Variants in NR5A2 observed in about 807,000 individuals in gnomAD.
The protein encoded by NR5A2 is CYP7A promoter-binding factor.
A neutral mutation model predicts 62.7 loss-of-function variants in NR5A2; 26 were observed. The ratio of observed to expected loss-of-function variants is 0.41; its 90% CI spans 0.30 to 0.58. The LOEUF is 0.58. Ranked by LOEUF, NR5A2 falls within the 20% of genes least tolerant of loss-of-function variation. The probability of loss-of-function intolerance (pLI) is 0.22; values close to 1 mark genes in which losing one functional copy is unlikely to be tolerated. For missense variants in NR5A2, 541 were observed against 669.1 expected, an observed-to-expected ratio of 0.81 and a Z score of 2.11; for synonymous variants, 246 against 241.7, an observed-to-expected ratio of 1.02 and a Z score of -0.16.
intron 5 of NR5A2, among the ~76,000 whole-genome samples, chr1:200,106,104 C>G (rs946592726): frequency 2.0e-5 from 3 of 148,366 alleles, no homozygotes; most frequent in Non-Finnish European, 4.4e-5. Flanking sequence ...GTGGCCCAGG[C>G]TGGAGGGCAG....
At chr1:200,059,824 G>A (rs987292127) in intron 5 of NR5A2, among the ~76,000 whole-genome samples, 1 of 152,122 alleles carries the variant, frequency 6.6e-6, no homozygotes, top group African/African-American at 2.4e-5. Flanking sequence ...AAATCTTTGA[G>A]AGTTCAACAT....
At chr1:200,083,660 A>C (rs990461753) in intron 5 of NR5A2, among the ~76,000 whole-genome samples, 2 of 152,190 alleles carry the variant, frequency 1.3e-5, no homozygotes, top group Admixed American at 1.3e-4. Context: ...ATTGTACAGC[A>C]ATATTGTATA....
At chr1:200,038,836 CG>C in intron 1 of NR5A2, 2 of 1,125,968 alleles carry the variant, frequency 1.8e-6, no homozygotes, top group Admixed American at 2.7e-5. Context: ...GGGGGTGAGG[CG>C]GGGTGAAGAG....
At chr1:200,167,726 C>G (rs1161102339) in intron 7 of NR5A2, among the ~76,000 whole-genome samples, 3 of 152,210 alleles carry the variant, frequency 2.0e-5, no homozygotes, top group African/African-American at 7.2e-5. Context: ...TATTCCTTCT[C>G]CACAAAGGCT....
chr1:200,053,562 T>TACACAC (rs1243850351), intron 5 of NR5A2, among the ~76,000 whole-genome samples: 2 of 84,876 alleles, frequency 2.4e-5, no homozygotes, highest in African/African-American at 1.2e-4. Context: ...CCCCCCAGCA[T>TACACAC]GCACACGCAC....
Position 200,105,760 on chromosome 1 carries a change from T to C in NR5A2, c.1111-5442T>C, listed in dbSNP as rs1325436823. On this transcript the variant is annotated intron_variant, in intron 5 of 7. Coordinates refer to ENST00000367362, the MANE Select transcript of NR5A2 (RefSeq NM_205860.3). ...TGAGTCTAGGAGTTCAAAACCAGTC[T>C]GGGCAACATAGTGAGAACTCGTCTC... Among the ~76,000 whole-genome samples the C allele has an allele frequency of 2.8e-4, 42 of 152,022 alleles. 1 individual carries two copies. Among genetic ancestry groups the C allele is most frequent in the Admixed American group, 2.8e-3 (42 of 15,252 alleles).
chr1:200,144,233 T>TCTCACACACACACACA (rs1446217306), intron 7 of NR5A2, among the ~76,000 whole-genome samples: 52 of 80,126 alleles, frequency 6.5e-4, no homozygotes, highest in African/African-American at 1.9e-3. Flanking sequence ...TCTCTCTCTC[T>TCTCACACACACACACA]CACACACACA....
intron 7 of NR5A2, among the ~76,000 whole-genome samples, chr1:200,164,189 C>G (rs1176431771): frequency 6.6e-6 from 1 of 152,172 alleles, no homozygotes; most frequent in African/African-American, 2.4e-5. Context: ...TGAGCAGATG[C>G]CAACACCATG....
At chr1:200,164,883 T>G (rs1653823651) in intron 7 of NR5A2, among the ~76,000 whole-genome samples, 2 of 143,402 alleles carry the variant, frequency 1.4e-5, no homozygotes. Flanking sequence ...TTTTTTTTTT[T>G]TTTTTTTTTT....
chr1:200,087,959 C>G (rs1240134987), intron 5 of NR5A2, among the ~76,000 whole-genome samples: 2 of 152,106 alleles, frequency 1.3e-5, no homozygotes, highest in Admixed American at 1.3e-4. Flanking sequence ...CCATGTTGGC[C>G]AGGCCAGTCT....
chr1:200,121,826 A>T (rs1320608425), intron 7 of NR5A2, among the ~76,000 whole-genome samples: 1 of 152,250 alleles, frequency 6.6e-6, no homozygotes, highest in African/African-American at 2.4e-5. Context: ...TTTAGTCTTC[A>T]GTTATAAGAT....
intron 5 of NR5A2, among the ~76,000 whole-genome samples, chr1:200,070,845 T>C (rs897326223): frequency 1.3e-5 from 2 of 151,634 alleles, no homozygotes; most frequent in South Asian, 4.2e-4. Flanking sequence ...CGCCTGTGTA[T>C]GTACCTGAGC....
chr1:200,169,816 G>T (rs1467261423), intron 7 of NR5A2, among the ~76,000 whole-genome samples: 1 of 152,180 alleles, frequency 6.6e-6, no homozygotes, highest in Non-Finnish European at 1.5e-5. Context: ...TAATGATAGG[G>T]TTTATTAACT....
chr1:200,060,339 G>A (rs943490656), intron 5 of NR5A2, among the ~76,000 whole-genome samples: 1 of 152,184 alleles, frequency 6.6e-6, no homozygotes, highest in Non-Finnish European at 1.5e-5. Flanking sequence ...GGTGGAGCAG[G>A]CAAGAGAAAC....
chr1:200,033,403 TAA>T (rs200577820), intron 1 of NR5A2, among the ~76,000 whole-genome samples: 5 of 147,660 alleles, frequency 3.4e-5, no homozygotes, highest in African/African-American at 1.2e-4. Context: ...AGGTGTCAAT[TAA>T]AAAAAAAAGC....
At chr1:200,098,526 A>G (rs113450577) in intron 5 of NR5A2, among the ~76,000 whole-genome samples, 190 of 152,376 alleles carry the variant, frequency 1.2e-3, no homozygotes, top group African/African-American at 4.3e-3. Context: ...TGAAAGAGGC[A>G]TAGTGAAAGA....
chr1:200,057,063 C>T (rs891260196), intron 5 of NR5A2, among the ~76,000 whole-genome samples: 13 of 152,298 alleles, frequency 8.5e-5, no homozygotes, highest in Admixed American at 3.3e-4. Flanking sequence ...CAGTTTCCTA[C>T]GATGACCTTC....
Position 200,177,263 on chromosome 1 carries a change from A to G in NR5A2, c.*3053A>G, listed in dbSNP as rs1370298529. 6.6e-6 allele frequency: 1 copy of G among 152,620 alleles called. No homozygotes were observed. The highest frequency in any genetic ancestry group is 6.5e-5 in the Admixed American group (1 of 15,282). The allele number at this position is 152,620 out of a possible 1,614,324, so 9.5% of individuals were successfully genotyped here. On this transcript the variant is annotated 3_prime_UTR_variant, in exon 8 of 8. Coordinates refer to ENST00000367362, the MANE Select transcript of NR5A2 (RefSeq NM_205860.3). ...GCTGCCTTGGACTTGAATCCATGCAATGTTTAGAGTGTGAAGTCAGTTACT... is the reference window on the plus strand; with the variant it reads ...GCTGCCTTGGACTTGAATCCATGCAGTGTTTAGAGTGTGAAGTCAGTTACT...
chr1:200,118,422 ATTCTT>A (rs1666340893), intron 6 of NR5A2, among the ~76,000 whole-genome samples: 1 of 152,192 alleles, frequency 6.6e-6, no homozygotes, highest in African/African-American at 2.4e-5. Flanking sequence ...CCCATCTATG[ATTCTT>A]GATAATCATA....
Sources: gnomAD v4.1 joint callset for allele counts (sites outside exome capture counted in the v4.1 genomes callset) on GRCh38, gnomAD v4.1.1 for gene constraint, MANE v1.5 for transcripts, NCBI Gene and HGNC (gene_info 2026-07-23, HGNC 2026-07-21) for gene names.